Variants in XYLT2 observed in about 807,000 individuals in gnomAD.
XYLT2 encodes UDP-D-xylose:proteoglycan core protein beta-D-xylosyltransferase.
In XYLT2, 37 loss-of-function variants were observed where a neutral mutation model predicts 82.6. The ratio of observed to expected loss-of-function variants is 0.45; its 90% CI spans 0.34 to 0.59. XYLT2 has a LOEUF of 0.59. Among genes scored for constraint, XYLT2 ranks in the 20% least tolerant of loss-of-function variants. XYLT2 has a pLI of 0.01. For synonymous variants in XYLT2, 474 were observed against 499.0 expected, an observed-to-expected ratio of 0.95 and a Z score of 0.67; for missense variants, 934 against 1,181.3, an observed-to-expected ratio of 0.79 and a Z score of 3.07.
chr17:50,354,027 C>G lies in XYLT2; in HGVS notation c.533C>G (p.Thr178Ser). The G allele has an allele frequency of 6.2e-7, 1 of 1,607,914 alleles. No homozygotes were observed. Among genetic ancestry groups the G allele is most frequent in the Non-Finnish European group, 8.5e-7 (1 of 1,179,938 alleles). ...CTGTCTGCACTGGCCCGGGCCAGCA[C>G]CAAGCAGTGCCAGCAGGAGATCGCC... ...DALSALARAS[T>S]KQCQQEIANV... The change falls in exon 2 of 11, where the codon ACC becomes AGC. Residue 178 changes from threonine (T) to serine (S), a missense_variant. Thr to Ser is a moderately conservative substitution (Grantham distance 58). This residue lies in a region of XYLT2 where 371 missense variants were observed against 394.9 expected (regional missense o/e 0.94). Transcript: ENST00000017003.
At position 50,361,161 on chromosome 17, in the gene XYLT2, C is replaced by G. The variant is rs1023487128; in HGVS notation, c.*870C>G. The G allele has an allele frequency of 1.0e-6, 1 of 985,498 alleles. No homozygotes were observed. Among genetic ancestry groups the G allele is most frequent in the African/African-American group, 1.7e-5 (1 of 57,230 alleles). The allele number at this position is 985,498 out of a possible 1,614,324, so 61.0% of individuals were successfully genotyped here. On this transcript the variant is annotated 3_prime_UTR_variant, in exon 11 of 11. Coordinates refer to ENST00000017003, the MANE Select transcript of XYLT2 (RefSeq NM_022167.4). ...TATCTCTATCTCTCTACTCTGGGCTCTGTGTTTTTCCTCCTGGGTGTCAGG... is the reference window on the plus strand; with the variant it reads ...TATCTCTATCTCTCTACTCTGGGCTGTGTGTTTTTCCTCCTGGGTGTCAGG...
chr17:50,349,633 A>G lies in XYLT2; in HGVS notation c.135+3358A>G, dbSNP rs556189420. Among the ~76,000 whole-genome samples the G allele has an allele frequency of 4.6e-5, 7 of 152,364 alleles. No individual in the cohort carries two copies. In the East Asian group the frequency reaches 1.4e-3, roughly 29 times the overall value. On this transcript the variant is annotated intron_variant, in intron 1 of 10. Transcript: ENST00000017003. ...AGAAGGCTGGCTGGGTGCTAGGCAC[A>G]GAGGGCATGGATGTAGGCATGGGGC...
rs750594729 is a variant in XYLT2 at position 50,355,900 on chromosome 17, T to A, written c.1208T>A (p.Val403Glu). ...GTGGATGGCGGTTCTGACTGGTTCG[T>A]GCTGACACGCAGCTTTGTGGAGTAT... ...IVVDGGSDWF[V>E]LTRSFVEYVV... Residue 403 changes from valine to glutamate, a missense_variant, in exon 6 of 11, where the codon GTG (valine) becomes GAG (glutamate). Val to Glu is a moderately radical substitution (Grantham distance 121). Transcript: ENST00000017003. 6.2e-7 allele frequency: 1 copy of A among 1,614,242 alleles called. No individual in the cohort carries two copies. The highest frequency in any genetic ancestry group is 8.5e-7 in the Non-Finnish European group (1 of 1,180,044).
intron 9 of XYLT2, chr17:50,357,586 C>A: frequency 7.8e-5 from 18 of 229,338 alleles, no homozygotes; most frequent in East Asian, 1.7e-4. Flanking sequence ...AGTGGCTCCT[C>A]ATAGTCTTTT....
chr17:50,354,263 CTA>C, intron 2 of XYLT2, 141 bp downstream of exon 2: 1 of 1,502,426 alleles, frequency 6.7e-7, no homozygotes, highest in Non-Finnish European at 8.9e-7. Flanking sequence ...AGTGTACTTA[CTA>C]AGTGGCAGAG....
chr17:50,354,654 A>C, intron 3 of XYLT2, 71 bp downstream of exon 3: 1 of 1,546,502 alleles, frequency 6.5e-7, no homozygotes, highest in African/African-American at 1.4e-5. Flanking sequence ...AGACAGACAG[A>C]GTCTCTGACC....
Position 50,358,468 on chromosome 17 carries a change from T to C in XYLT2, c.2203T>C (p.Trp735Arg), listed in dbSNP as rs780379390. The C allele has an allele frequency of 2.5e-6, 4 of 1,614,210 alleles. No homozygotes were observed. Among genetic ancestry groups the C allele is most frequent in the South Asian group, 1.1e-5 (1 of 91,086 alleles). The change falls in exon 10 of 11, where the codon TGG becomes CGG. Residue 735 changes from tryptophan to arginine, a missense_variant. Trp to Arg is a moderately radical substitution (Grantham distance 101). Around this residue, in one of 3 missense-constraint regions of XYLT2, gnomAD observed 374 missense variants for 465.6 expected, o/e 0.80. Coordinates refer to ENST00000017003, the MANE Select transcript of XYLT2 (RefSeq NM_022167.4). ...GPWTVRLLQF[W>R]EPLGETRFLV... is the part of the protein sequence containing the mutation. ...CTGGACTGTTCGACTCCTTCAGTTC[T>C]GGGAACCGCTGGGTGAGACCCGCTT... is the stretch of plus-strand genomic sequence containing the variant.
rs1555596865 is a variant in XYLT2, at chr17:50,360,573, T to TTTTTC, written c.*286_*287insCTTTT. The TTTTTC allele has an allele frequency of 1.1e-4, 92 of 865,984 alleles. No homozygotes were observed. The African/African-American group carries it at 1.7e-3, about 16-fold the overall frequency. 53.6% of individuals were successfully genotyped at this position (865,984 alleles called of 1,614,324 possible). A position where few individuals can be genotyped will look rare whatever the true frequency, so the allele number is the denominator to read the frequency against. On this transcript the variant is annotated 3_prime_UTR_variant, in exon 11 of 11. Transcript: ENST00000017003. The stretch of plus-strand genomic sequence containing the variant: ...TCTAGTTTGAATTTCTTTTTTTTCT[T>TTTTTC]TTTTTTTTTTTTTTTTTAATTTAAA...
chr17:50,346,593 G>GC lies in XYLT2; in HGVS notation c.135+318_135+319insC. The GC allele has an allele frequency of 1.3e-5, 13 of 984,210 alleles. No homozygotes were observed. Among genetic ancestry groups the GC allele is most frequent in the Non-Finnish European group, 1.6e-5 (13 of 828,842 alleles). 61.0% of individuals were successfully genotyped at this position (984,210 alleles called of 1,614,324 possible). On this transcript the variant is annotated intron_variant, in intron 1 of 10. Coordinates refer to ENST00000017003, the MANE Select transcript of XYLT2 (RefSeq NM_022167.4). The surrounding 1 kb of genome is among the most constrained non-coding windows in gnomAD (Gnocchi z 5.1). ...AGGTCAGGCGCGGCGAGCGGGGCTG[G>GC]GAGGCGGGGCTGGGCCCGAACCTGC...
Position 50,356,133 on chromosome 17 carries a change from G to A in XYLT2, c.1354G>A (p.Val452Met), listed in dbSNP as rs139052712. The change falls in exon 7 of 11, where the codon GTG becomes ATG. Residue 452 changes from valine to methionine, a missense_variant. This residue lies in a region of XYLT2 where 189 missense variants were observed against 320.8 expected (regional missense o/e 0.59). Coordinates refer to ENST00000017003, the MANE Select transcript of XYLT2 (RefSeq NM_022167.4). ...GAACAGCCTGGCCTGTGAGACCCTC[G>A]TGGACAACAACCTGCGGGTCACCAA... is the stretch of plus-strand genomic sequence containing the variant. ...LENSLACETL[V>M]DNNLRVTNWN... The A allele has an allele frequency of 3.0e-5, 48 of 1,614,100 alleles. No individual in the cohort carries two copies. The highest frequency in any genetic ancestry group is 5.0e-5 in the Admixed American group (3 of 60,014).
chr17:50,352,836 A>G lies in XYLT2; in HGVS notation c.136-794A>G, dbSNP rs368246651. Reference sequence around the variant, plus strand: ...CTTTCAAGCCAGGGACTGAGTGTGGAGGTGGCTCAGGGCTCACCAGCTCCA... The same window carrying G: ...CTTTCAAGCCAGGGACTGAGTGTGGGGGTGGCTCAGGGCTCACCAGCTCCA... On this transcript the variant is annotated intron_variant, in intron 1 of 10. Coordinates refer to ENST00000017003, the MANE Select transcript of XYLT2 (RefSeq NM_022167.4). Among the ~76,000 whole-genome samples, 149 of 152,302 alleles carry G rather than the reference A, an allele frequency of 9.8e-4. 3 individuals are homozygous for G. The South Asian group carries it at 0.026, about 27-fold the overall frequency.
At chr17:50,356,833 A>T in intron 8 of XYLT2, 60 bp downstream of exon 8, 1 of 1,550,712 alleles carries the variant, frequency 6.4e-7, no homozygotes, top group Admixed American at 1.8e-5. Flanking sequence ...GGGGGAGGCC[A>T]ACCAGAGAGT....
rs1912068028 is a variant in XYLT2, at chr17:50,346,952, C to G, written c.135+677C>G. The G allele has an allele frequency of 1.0e-6, 1 of 984,618 alleles. No homozygotes were observed. The highest frequency in any genetic ancestry group is 4.7e-5 in the South Asian group (1 of 21,282). The allele number at this position is 984,618 out of a possible 1,614,324, so 61.0% of individuals were successfully genotyped here. The stretch of plus-strand genomic sequence containing the variant: ...CTGAGCTGGTGAGTTGGCCTCAGGA[C>G]CTTAGGGAATTAGGGAGGGGCCCTC... On this transcript the variant is annotated intron_variant, in intron 1 of 10. Transcript: ENST00000017003. The surrounding 1 kb of genome is among the most constrained non-coding windows in gnomAD (Gnocchi z 5.1).
intron 10 of XYLT2, chr17:50,359,692 T>C (rs1451049703): frequency 2.2e-5 from 10 of 452,292 alleles, no homozygotes; most frequent in Non-Finnish European, 4.0e-5. Flanking sequence ...AGAAAGGGTA[T>C]GGGACACAAA....
intron 9 of XYLT2, chr17:50,357,703 G>A (rs1051899643): frequency 6.1e-5 from 10 of 163,418 alleles, no homozygotes; most frequent in Admixed American, 6.3e-5. Context: ...AGCCTCCCGC[G>A]TAGCTGGGAC....
chr17:50,355,683 A>G, intron 5 of XYLT2, 98 bp from the exon 6 acceptor site: 13 of 1,585,614 alleles, frequency 8.2e-6, no homozygotes, highest in South Asian at 1.1e-5. Flanking sequence ...AAGCCTCCAC[A>G]CCAGTCACAG....
At chr17:50,358,802 T>C (rs1270847481) in intron 10 of XYLT2, among the ~76,000 whole-genome samples, 2 of 152,254 alleles carry the variant, frequency 1.3e-5, no homozygotes, top group Non-Finnish European at 2.9e-5. Context: ...CCTTGGAAGT[T>C]ACCTGGCCTT....
In XYLT2 at chr17:50,353,734, C is replaced by T; in HGVS notation, c.240C>T (p.Arg80=). 6.4e-7 allele frequency: 1 copy of T among 1,558,048 alleles called. No homozygotes were observed. Among genetic ancestry groups the T allele is most frequent in the Non-Finnish European group, 8.7e-7 (1 of 1,150,762 alleles). ...RRGSTGRRHG[R]WRGRAESPGV... is the part of the protein sequence containing the mutation. ...GCAGCACAGGCAGAAGGCATGGGCG[C>T]TGGCGGGGCCGTGCTGAGAGCCCAG... The change falls in exon 2 of 11, where the codon CGC becomes CGT. Residue 80 remains arginine, a synonymous_variant. Transcript: ENST00000017003.
Position 50,356,693 on chromosome 17 carries a change from C to T in XYLT2, c.1665C>T (p.Leu555=), listed in dbSNP as rs1912554107. Residue 555 remains leucine, a synonymous_variant, in exon 8 of 11, where the codon CTC becomes CTT. Coordinates refer to ENST00000017003, the MANE Select transcript of XYLT2 (RefSeq NM_022167.4). ...CCAGTGGGCTCAGTGATGTCATGCT[C>T]ACTGCTTACACAGCCTTCGCCCGCC... ...DGPSGLSDVM[L]TAYTAFARLS... 1.2e-6 allele frequency: 2 copies of T among 1,612,262 alleles called. No individual in the cohort carries two copies. The highest frequency in any genetic ancestry group is 1.7e-5 in the Admixed American group (1 of 60,020).
Sources: allele counts gnomAD v4.1 joint callset (sites outside exome capture counted in the v4.1 genomes callset), GRCh38; gene constraint gnomAD v4.1.1; regional missense constraint gnomAD v4.1.1; non-coding constraint Gnocchi (gnomAD v3.1); transcripts MANE v1.5; gene names NCBI Gene and HGNC (gene_info 2026-07-23, HGNC 2026-07-21).